Variants in SPOCK3 observed in about 807,000 individuals in gnomAD.
The protein encoded by SPOCK3 is SPARC (osteonectin), cwcv and kazal like domains proteoglycan 3.
In SPOCK3, 30 loss-of-function variants were observed where a neutral mutation model predicts 56.6. The observed-to-expected ratio is 0.53, with a 90% CI of 0.40 to 0.72. SPOCK3 has a LOEUF of 0.72. SPOCK3 is among the 30% of genes least tolerant of loss of function. The pLI is 0.00. For missense variants in SPOCK3, 527 were observed against 530.0 expected (o/e 0.99, Z 0.06); for synonymous variants, 196 against 183.3 (o/e 1.07, Z -0.56).
At chr4:166,973,130 A>C (rs1043178458) in intron 4 of SPOCK3, among the ~76,000 whole-genome samples, 1 of 152,012 alleles carries the variant, frequency 6.6e-6, no homozygotes, top group African/African-American at 2.4e-5. Context: ...ATAGTGAGTG[A>C]GTTCTCATGA....
intron 4 of SPOCK3, among the ~76,000 whole-genome samples, chr4:166,989,020 T>C (rs993604648): frequency 6.6e-6 from 1 of 152,040 alleles, no homozygotes; most frequent in Non-Finnish European, 1.5e-5. Flanking sequence ...AAACCCTAGA[T>C]ACATATCAGT....
intron 7 of SPOCK3, among the ~76,000 whole-genome samples, chr4:166,773,714 G>A (rs1306827511): frequency 6.6e-6 from 1 of 151,980 alleles, no homozygotes; most frequent in Admixed American, 6.6e-5. Flanking sequence ...CAATTATACT[G>A]TTTTAGCTAA....
At chr4:167,011,202 A>G in intron 3 of SPOCK3, 2 of 445,576 alleles carry the variant, frequency 4.5e-6, no homozygotes, top group Admixed American at 4.9e-5. Flanking sequence ...AATACAAAAA[A>G]AAATGCGGGA....
At chr4:166,943,854 T>TA (rs1182051269) in intron 4 of SPOCK3, among the ~76,000 whole-genome samples, 2 of 152,014 alleles carry the variant, frequency 1.3e-5, no homozygotes, top group African/African-American at 4.8e-5. Context: ...TTATGTTAAT[T>TA]AAAAAAATAG....
intron 7 of SPOCK3, among the ~76,000 whole-genome samples, chr4:166,779,868 G>A (rs1371445003): frequency 2.0e-5 from 3 of 152,088 alleles, no homozygotes; most frequent in African/African-American, 7.2e-5. Flanking sequence ...GGAAGAATAT[G>A]ACACATAGAG....
intron 3 of SPOCK3, among the ~76,000 whole-genome samples, chr4:167,016,144 T>C (rs532901448): frequency 2.0e-5 from 3 of 152,300 alleles, no homozygotes; most frequent in Non-Finnish European, 2.9e-5. Context: ...AATTATAATA[T>C]GTGGCTTGAT....
intron 2 of SPOCK3, among the ~76,000 whole-genome samples, chr4:167,183,369 T>C (rs1436636222): frequency 6.6e-6 from 1 of 152,126 alleles, no homozygotes; most frequent in African/African-American, 2.4e-5. Context: ...ATTTTTTTCA[T>C]AAGTCAGAAA....
intron 7 of SPOCK3, among the ~76,000 whole-genome samples, chr4:166,772,104 C>A (rs1739005800): frequency 6.6e-6 from 1 of 151,916 alleles, no homozygotes; most frequent in Admixed American, 6.6e-5. Flanking sequence ...ATTTTATAGT[C>A]AGTCTTAAAA....
chr4:166,831,431 GT>G (rs1051261793), intron 6 of SPOCK3, among the ~76,000 whole-genome samples: 1 of 152,092 alleles, frequency 6.6e-6, no homozygotes, highest in African/African-American at 2.4e-5. Flanking sequence ...TTGTGGGACA[GT>G]TTTTAATTAC....
At chr4:166,900,545 C>T (rs1225399173) in intron 5 of SPOCK3, among the ~76,000 whole-genome samples, 2 of 152,136 alleles carry the variant, frequency 1.3e-5, no homozygotes, top group Non-Finnish European at 2.9e-5. Context: ...TTGAGAATTT[C>T]TCTTTACTTT....
At chr4:167,071,218 C>T (rs1362003123) in intron 2 of SPOCK3, among the ~76,000 whole-genome samples, 1 of 151,748 alleles carries the variant, frequency 6.6e-6, no homozygotes, top group Non-Finnish European at 1.5e-5. Flanking sequence ...AAATACTTTG[C>T]CTCAATAAAT....
chr4:166,955,354 G>A (rs546156596), intron 4 of SPOCK3, among the ~76,000 whole-genome samples: 11 of 150,512 alleles, frequency 7.3e-5, no homozygotes, highest in East Asian at 3.9e-4. Flanking sequence ...CTCAAAGTCC[G>A]TAACTACCAC....
At chr4:166,860,092 T>C (rs1225238827) in intron 6 of SPOCK3, among the ~76,000 whole-genome samples, 2 of 152,142 alleles carry the variant, frequency 1.3e-5, no homozygotes, top group Non-Finnish European at 2.9e-5. Flanking sequence ...TGACAGACTT[T>C]CTGTGTTCTT....
At chr4:166,873,782 A>AGAT (rs1251222177) in intron 6 of SPOCK3, among the ~76,000 whole-genome samples, 1 of 151,864 alleles carries the variant, frequency 6.6e-6, no homozygotes, top group Admixed American at 6.6e-5. Context: ...TAGGCACTGT[A>AGAT]GATGCTAAGA....
intron 3 of SPOCK3, among the ~76,000 whole-genome samples, chr4:167,030,026 G>T (rs1378040559): frequency 1.3e-5 from 2 of 151,372 alleles, no homozygotes; most frequent in African/African-American, 4.9e-5. Context: ...CTCTTCTATT[G>T]TTTCACCTAT....
At chr4:166,947,751 T>C (rs1471654703) in intron 4 of SPOCK3, among the ~76,000 whole-genome samples, 1 of 152,164 alleles carries the variant, frequency 6.6e-6, no homozygotes. Flanking sequence ...ACGTCATAAT[T>C]GCACGGATTC....
At chr4:166,889,708 AGTGAC>A (rs1203750950) in intron 5 of SPOCK3, among the ~76,000 whole-genome samples, 1 of 151,936 alleles carries the variant, frequency 6.6e-6, no homozygotes, top group African/African-American at 2.4e-5. Flanking sequence ...GTCTTTAGCC[AGTGAC>A]TTGCACAGCA....
chr4:166,878,063 G>C (rs765984773), intron 6 of SPOCK3, among the ~76,000 whole-genome samples: 47 of 152,076 alleles, frequency 3.1e-4, no homozygotes, highest in Non-Finnish European at 4.9e-4. Context: ...GATCACCTGA[G>C]GTCAGGAGTC....
intron 2 of SPOCK3, among the ~76,000 whole-genome samples, chr4:167,205,354 AT>A (rs1465376985): frequency 2.9e-3 from 108 of 36,900 alleles, no homozygotes; most frequent in Admixed American, 6.4e-3. Flanking sequence ...TATATATAAT[AT>A]ATATATTATA....
Sources: gnomAD v4.1 joint callset for allele counts (sites outside exome capture counted in the v4.1 genomes callset) on GRCh38, gnomAD v4.1.1 for gene constraint, MANE v1.5 for transcripts, NCBI Gene and HGNC (gene_info 2026-07-23, HGNC 2026-07-21) for gene names.